Variants in PGLS observed in about 807,000 individuals in gnomAD.
The protein encoded by PGLS is epididymis secretory protein Li 304.
A neutral mutation model predicts 23.2 loss-of-function variants in PGLS; 21 were observed. The observed-to-expected ratio is 0.91, with a 90% CI of 0.64 to 1.31. The LOEUF is 1.31. Ranked by LOEUF, PGLS falls within the 50% of genes most tolerant of loss-of-function variation. The pLI is 0.00. For missense variants in PGLS, 410 were observed against 354.0 expected (o/e 1.16, Z -1.27); for synonymous variants, 179 against 165.4 (o/e 1.08, Z -0.63).
intron 2 of PGLS, 180 bp downstream of exon 2, chr19:17,516,460 G>A: frequency 7.1e-7 from 1 of 1,402,974 alleles, no homozygotes; most frequent in Non-Finnish European, 9.3e-7. Flanking sequence ...AGGCCACTCG[G>A]CCTCTGTTGC....
Position 17,511,880 on chromosome 19 carries a change from T to C in PGLS, c.208T>C (p.Leu70=), listed in dbSNP as rs758334143. 3 of 1,540,544 alleles carry C rather than the reference T, an allele frequency of 1.9e-6. No individual in the cohort carries two copies. The highest frequency in any genetic ancestry group is 2.4e-5 in the South Asian group (2 of 83,652). ...CGTCGCCCCTGCCGGGCCAGCTAGC[T>C]TAGCGCGCTGGACGCTGGGCTTCTG... ...AAVAPAGPAS[L]ARWTLGFCDE... is the part of the protein sequence containing the mutation. Residue 70 remains leucine (L), a synonymous_variant, in exon 1 of 5, where the codon TTA becomes CTA. Transcript: ENST00000252603.
intron 1 of PGLS, among the ~76,000 whole-genome samples, chr19:17,514,510 G>C (rs559466477): frequency 7.2e-6 from 1 of 138,240 alleles, no homozygotes; most frequent in African/African-American, 2.7e-5. Flanking sequence ...TTCTTTTTTT[G>C]AGATAGGATC....
intron 2 of PGLS, 46 bp from the exon 3 acceptor site, chr19:17,517,242 C>T (rs911128800): frequency 8.2e-7 from 1 of 1,224,282 alleles, no homozygotes; most frequent in Non-Finnish European, 1.2e-6. Context: ...TCTCCCCTGC[C>T]CCTGCCACCT....
chr19:17,514,949 GC>G (rs1382946860), intron 1 of PGLS, among the ~76,000 whole-genome samples: 1 of 152,016 alleles, frequency 6.6e-6, no homozygotes, highest in African/African-American at 2.4e-5. Context: ...ACCGTGCCAG[GC>G]CGCTAATTTT....
intron 4 of PGLS, among the ~76,000 whole-genome samples, chr19:17,519,732 G>A (rs376609681): frequency 3.9e-5 from 6 of 152,070 alleles, no homozygotes; most frequent in South Asian, 2.1e-4. Context: ...AGCAACACCC[G>A]CTTATGTATA....
chr19:17,517,183 A>T, intron 2 of PGLS, 105 bp from the exon 3 acceptor site: 1 of 745,964 alleles, frequency 1.3e-6, no homozygotes, highest in Non-Finnish European at 2.4e-6. Context: ...ATGCCCAGCC[A>T]CAGCTACTTG....
rs377456858 is a variant in PGLS, at chr19:17,516,616, A to G, written c.396+336A>G. On this transcript the variant is annotated intron_variant, in intron 2 of 4. Transcript: ENST00000252603. Reference sequence around the variant, plus strand: ...TTTTTTTTCTTTGAGACGGAGTCTCACTCTGTCGCCCAGGCTGGAGTGCAG... The same window carrying G: ...TTTTTTTTCTTTGAGACGGAGTCTCGCTCTGTCGCCCAGGCTGGAGTGCAG... 9.4e-5 allele frequency: 75 copies of G among 800,820 alleles called. 1 individual carries two copies. Among genetic ancestry groups the G allele is most frequent in the East Asian group, 3.1e-4 (4 of 12,876 alleles). The allele number at this position is 800,820 out of a possible 1,614,324, so 49.6% of individuals were successfully genotyped here.
chr19:17,514,664 T>A (rs767568484), intron 1 of PGLS, among the ~76,000 whole-genome samples: 1 of 151,980 alleles, frequency 6.6e-6, no homozygotes, highest in African/African-American at 2.4e-5. Flanking sequence ...GCTAATTTTT[T>A]TTTTTGAGTT....
chr19:17,521,186 C>T lies in PGLS; in HGVS notation c.*105C>T. ...TCTCCTTTCAAAAAGCCACGTCGTG[C>T]TGCTGCTGGAAGCCAACAGCCTCCG... On this transcript the variant is annotated 3_prime_UTR_variant, in exon 5 of 5. Transcript: ENST00000252603. 3.2e-6 allele frequency: 4 copies of T among 1,242,802 alleles called. No homozygotes were observed. Among genetic ancestry groups the T allele is most frequent in the East Asian group, 2.8e-5 (1 of 36,282 alleles). 77.0% of individuals were successfully genotyped at this position (1,242,802 alleles called of 1,614,324 possible). A position where few individuals can be genotyped will look rare whatever the true frequency, so the allele number is the denominator to read the frequency against.
intron 1 of PGLS, 132 bp downstream of exon 1, chr19:17,512,092 C>T: frequency 6.3e-6 from 6 of 951,278 alleles, no homozygotes; most frequent in Non-Finnish European, 3.0e-6. Context: ...CTACGGGGGC[C>T]ACTGGGTATC....
rs571934713 is a variant in PGLS, at chr19:17,519,695, C to T, written c.640-1249C>T. ...GATTACAGGCATGAACCACCGCACC[C>T]GGCCCAGAAAAGTTTTATTGGAACA... On this transcript the variant is annotated intron_variant, in intron 4 of 4. Coordinates refer to ENST00000252603, the MANE Select transcript of PGLS (RefSeq NM_012088.3). Among the ~76,000 whole-genome samples, 402 of 152,248 alleles carry T rather than the reference C, an allele frequency of 2.6e-3. 1 individual carries two copies. The highest frequency in any genetic ancestry group is 3.9e-3 in the Admixed American group (59 of 15,276).
rs959562565 is a variant in PGLS at position 17,512,033 on chromosome 19, G to A, written c.288+73G>A. 9.9e-6 allele frequency: 14 copies of A among 1,420,744 alleles called. No individual in the cohort carries two copies. In the African/African-American group the frequency reaches 1.5e-4, roughly 15 times the overall value. The allele number at this position is 1,420,744 out of a possible 1,614,324, so 88.0% of individuals were successfully genotyped here. On this transcript the variant is annotated intron_variant, in intron 1 of 4. Transcript: ENST00000252603. ...CACCGCCTACACCCCGGCTACGGAG[G>A]CCGCCGGGGGCCATGCCGAAAGGGC...
At chr19:17,518,138 T>TA (rs532977314) in intron 4 of PGLS, among the ~76,000 whole-genome samples, 2 of 151,996 alleles carry the variant, frequency 1.3e-5, no homozygotes, top group African/African-American at 2.4e-5. Context: ...CAAATGCATT[T>TA]AAAAAAAATT....
At position 17,515,316 on chromosome 19, in the gene PGLS, C is replaced by T. The variant is rs555639725; in HGVS notation, c.289-857C>T. ...CAGCCCCTGCGTTTACTTCGTGGCT[C>T]ACCTTAGCATTGCCTCAGCTCACTG... On this transcript the variant is annotated intron_variant, in intron 1 of 4. Transcript: ENST00000252603. 2.8e-4 allele frequency among the ~76,000 whole-genome samples: 43 copies of T among 152,306 alleles called. No individual in the cohort carries two copies. In the South Asian group the frequency reaches 8.9e-3, roughly 32 times the overall value.
chr19:17,519,494 GGTTCAA>G (rs2144646347), intron 4 of PGLS, among the ~76,000 whole-genome samples: 1 of 151,858 alleles, frequency 6.6e-6, no homozygotes, highest in East Asian at 2.0e-4. Flanking sequence ...CCACCTCCCG[GGTTCAA>G]GTGCTTCTCC....
rs536880621 is a variant in PGLS, at chr19:17,520,731, A to AAAAT, written c.640-193_640-190dup. Among the ~76,000 whole-genome samples, 831 of 152,126 alleles carry AAAAT rather than the reference A, an allele frequency of 5.5e-3. 3 individuals are homozygous for AAAAT. Among genetic ancestry groups the AAAAT allele is most frequent in the African/African-American group, 0.018 (739 of 41,492 alleles). On this transcript the variant is annotated intron_variant, in intron 4 of 4. Transcript: ENST00000252603. ...GGGAGACAGAGTGAGACTCCATCTC[A>AAAAT]AAATAAATAAATAAATAAATAAAAA...
At position 17,516,356 on chromosome 19, in the gene PGLS, G is replaced by C. The variant is rs748045290; in HGVS notation, c.396+76G>C. 2.3e-5 allele frequency: 36 copies of C among 1,538,828 alleles called. 1 individual carries two copies. The South Asian group carries it at 4.0e-4, about 17-fold the overall frequency. ...ACCCCGGGCAACAGAGCGGCCTTCT[G>C]ATTGTCACCAGCAGGAACTGCCCCA... On this transcript the variant is annotated intron_variant, in intron 2 of 4. Transcript: ENST00000252603.
chr19:17,515,171 G>A (rs565773967), intron 1 of PGLS, among the ~76,000 whole-genome samples: 1 of 152,280 alleles, frequency 6.6e-6, no homozygotes, highest in East Asian at 1.9e-4. Flanking sequence ...CTTGGACAAA[G>A]CAGAGTGGTC....
intron 1 of PGLS, 173 bp from the exon 2 acceptor site, chr19:17,516,000 C>A: frequency 1.8e-6 from 1 of 545,344 alleles, no homozygotes; most frequent in Non-Finnish European, 3.4e-6. Flanking sequence ...AGAGGTGACT[C>A]ACCAACCAAA....
Sources: gnomAD v4.1 joint callset for allele counts (sites outside exome capture counted in the v4.1 genomes callset) on GRCh38, gnomAD v4.1.1 for gene constraint, MANE v1.5 for transcripts, NCBI Gene and HGNC (gene_info 2026-07-23, HGNC 2026-07-21) for gene names.